Variants in ANO3 observed in about 807,000 individuals in gnomAD.
ANO3 encodes anoctamin 3.
In ANO3, 99 loss-of-function variants were observed where a neutral mutation model predicts 144.8. That is an observed-to-expected ratio of 0.68 (90% CI 0.58 to 0.81). ANO3 has a LOEUF of 0.81. ANO3 is among the 30% of genes least tolerant of loss of function. The pLI is 0.00. For synonymous variants in ANO3, 414 were observed against 392.6 expected (o/e 1.05, Z -0.64); for missense variants, 905 against 1,202.2 (o/e 0.75, Z 3.66).
chr11:26,351,961 C>G (rs1855656793), intron 1 of ANO3, among the ~76,000 whole-genome samples: 1 of 152,090 alleles, frequency 6.6e-6, no homozygotes, highest in Non-Finnish European at 1.5e-5. Context: ...TATTAACAGC[C>G]AAGTAGCAAT....
At chr11:26,421,406 C>T (rs751167400) in intron 1 of ANO3, among the ~76,000 whole-genome samples, 34 of 151,774 alleles carry the variant, frequency 2.2e-4, no homozygotes, top group Admixed American at 4.0e-4. Flanking sequence ...TGACTACACC[C>T]AATAGTATAG....
intron 3 of ANO3, among the ~76,000 whole-genome samples, chr11:26,458,269 T>G (rs910163176): frequency 1.3e-5 from 2 of 152,140 alleles, no homozygotes; most frequent in African/African-American, 4.8e-5. Context: ...GATGGCAGAA[T>G]AATTAGCTTC....
intron 24 of ANO3, among the ~76,000 whole-genome samples, chr11:26,648,303 T>C (rs1225311647): frequency 1.3e-5 from 2 of 152,090 alleles, no homozygotes; most frequent in East Asian, 3.9e-4. Flanking sequence ...GACTGGAGAT[T>C]TTCAAAAGGA....
At chr11:26,387,130 A>ATTTTT (rs372622053) in intron 1 of ANO3, among the ~76,000 whole-genome samples, 5 of 128,340 alleles carry the variant, frequency 3.9e-5, no homozygotes, top group Non-Finnish European at 3.3e-5. Context: ...CAAATGTAGT[A>ATTTTT]TTTTTTTTTT....
chr11:26,194,470 G>A (rs1851543670), intron 1 of ANO3, among the ~76,000 whole-genome samples: 2 of 150,696 alleles, frequency 1.3e-5, no homozygotes, highest in Non-Finnish European at 1.5e-5. Context: ...GTGTGTGTGT[G>A]TGTGTGTGTG....
At chr11:26,618,537 C>T (rs76987670) in intron 17 of ANO3, among the ~76,000 whole-genome samples, 2,593 of 152,236 alleles carry the variant, frequency 0.017, 63 homozygotes, top group African/African-American at 0.056. Context: ...AAATAGTAAA[C>T]GTGCTTGTCA....
At chr11:26,380,128 C>T (rs1449846127) in intron 1 of ANO3, among the ~76,000 whole-genome samples, 2 of 152,190 alleles carry the variant, frequency 1.3e-5, no homozygotes, top group South Asian at 4.2e-4. Context: ...AGGTACCAGT[C>T]GCTTATCTGC....
intron 17 of ANO3, among the ~76,000 whole-genome samples, chr11:26,616,451 T>TG (rs2132983557): frequency 6.6e-6 from 1 of 152,056 alleles, no homozygotes; most frequent in South Asian, 2.1e-4. Flanking sequence ...TTTTTTTTTT[T>TG]TTTGGTAATT....
chr11:26,263,424 T>G (rs1477700900), intron 1 of ANO3, among the ~76,000 whole-genome samples: 1 of 152,168 alleles, frequency 6.6e-6, no homozygotes, highest in East Asian at 1.9e-4. Flanking sequence ...TTCTACCAGG[T>G]TATCCCATAC....
rs144792604 is a variant in ANO3 at position 26,525,646 on chromosome 11, A to G, written c.704A>G (p.Tyr235Cys). 3.4e-4 allele frequency: 545 copies of G among 1,610,924 alleles called. No homozygotes were observed. Among genetic ancestry groups the G allele is most frequent in the Non-Finnish European group, 4.3e-4 (510 of 1,178,650 alleles). The stretch of plus-strand genomic sequence containing the variant: ...TATTATTTTTTCAGGAAAAAATGCT[A>G]TTACACTGACGGGAGGAGCAAATCA... Reference protein sequence around the residue: ...NIRMPFRKKCYYTDGRSKSMG... With the variant: ...NIRMPFRKKCCYTDGRSKSMG... The change falls in exon 7 of 27, where the codon TAT becomes TGT. Residue 235 changes from tyrosine to cysteine, a missense_variant. Tyr to Cys is a radical substitution (Grantham distance 194, BLOSUM62 -2). This residue lies in a region of ANO3 where 71 missense variants were observed against 57.9 expected (regional missense o/e 1.23). Transcript: ENST00000256737.
chr11:26,502,722 A>G (rs1191355545), intron 4 of ANO3, among the ~76,000 whole-genome samples: 3 of 152,114 alleles, frequency 2.0e-5, no homozygotes, highest in African/African-American at 7.2e-5. Flanking sequence ...CAATGTTTAC[A>G]TGCCTATAAC....
intron 14 of ANO3, among the ~76,000 whole-genome samples, chr11:26,588,968 T>C (rs1851365394): frequency 6.6e-6 from 1 of 152,230 alleles, no homozygotes. Flanking sequence ...TCGGCTGTTT[T>C]GCCTCTTTTA....
At chr11:26,583,546 T>G (rs947824140) in intron 14 of ANO3, among the ~76,000 whole-genome samples, 2 of 152,240 alleles carry the variant, frequency 1.3e-5, no homozygotes, top group African/African-American at 4.8e-5. Context: ...TTCGTATCAA[T>G]TAGTCTACTT....
chr11:26,458,398 G>GA (rs1001647968), intron 3 of ANO3, among the ~76,000 whole-genome samples: 4 of 151,634 alleles, frequency 2.6e-5, no homozygotes, highest in African/African-American at 7.3e-5. Context: ...CTCCTAGCAA[G>GA]AAAAAAAATA....
At chr11:26,206,509 C>A (rs530489937) in intron 1 of ANO3, among the ~76,000 whole-genome samples, 1 of 152,230 alleles carries the variant, frequency 6.6e-6, no homozygotes, top group South Asian at 2.1e-4. Context: ...GAACTAATAT[C>A]TTCAAGGAAA....
chr11:26,207,092 G>T (rs1188237636), intron 1 of ANO3, among the ~76,000 whole-genome samples: 1 of 152,130 alleles, frequency 6.6e-6, no homozygotes, highest in Non-Finnish European at 1.5e-5. Flanking sequence ...AGTTTCAGTT[G>T]TGCCAGATGA....
At chr11:26,536,026 G>A (rs925775419) in intron 9 of ANO3, among the ~76,000 whole-genome samples, 1 of 151,250 alleles carries the variant, frequency 6.6e-6, no homozygotes, top group African/African-American at 2.4e-5. Flanking sequence ...AATTTTTAAG[G>A]AACTAAAAAT....
chr11:26,585,447 A>T (rs1851248626), intron 14 of ANO3, among the ~76,000 whole-genome samples: 1 of 152,060 alleles, frequency 6.6e-6, no homozygotes, highest in South Asian at 2.1e-4. Context: ...TTAATATTTA[A>T]CAAGTTTAAT....
intron 1 of ANO3, among the ~76,000 whole-genome samples, chr11:26,313,458 A>T (rs1414754356): frequency 6.6e-6 from 1 of 152,130 alleles, no homozygotes; most frequent in Non-Finnish European, 1.5e-5. Context: ...AGGCTGAGGC[A>T]GGTGGATCAT....
Sources: allele counts gnomAD v4.1 joint callset (sites outside exome capture counted in the v4.1 genomes callset), GRCh38; gene constraint gnomAD v4.1.1; regional missense constraint gnomAD v4.1.1; transcripts MANE v1.5; gene names NCBI Gene and HGNC (gene_info 2026-07-23, HGNC 2026-07-21).